The following AMMECR1 variants were observed in gnomAD, a reference collection of about 807,000 sequenced individuals.
AMMECR1 encodes the protein nuclear protein AMMECR1.
A neutral mutation model predicts 22.5 loss-of-function variants in AMMECR1; 3 were observed. The observed-to-expected ratio is 0.13, with a 90% CI of 0.06 to 0.35. The LOEUF is 0.35. AMMECR1 is among the 10% of genes least tolerant of loss of function. The pLI, the probability that AMMECR1 is intolerant of heterozygous loss-of-function variation, is 1.00. For synonymous variants in AMMECR1, 130 were observed against 116.7 expected (o/e 1.11, Z -0.74); for missense variants, 235 against 278.7 (o/e 0.84, Z 1.12).
chrX:110,401,050 C>G (rs148209441), intron 2 of AMMECR1, among the ~76,000 whole-genome samples: 16 of 112,298 alleles, frequency 1.4e-4, no homozygotes, highest in African/African-American at 4.5e-4. Context: ...AACAATCTCA[C>G]GTCTCAAGTC....
At chrX:110,320,112 T>C (rs757524775), upstream of AMMECR1, among the ~76,000 whole-genome samples, 2 of 112,448 alleles carry the variant, frequency 1.8e-5, no homozygotes, top group Non-Finnish European at 3.8e-5. Flanking sequence ...ACTTCATCAC[T>C]GTTAGAATTA....
intron 2 of AMMECR1, among the ~76,000 whole-genome samples, chrX:110,327,549 A>G (rs1407105068): frequency 9.0e-6 from 1 of 111,134 alleles, no homozygotes; most frequent in Non-Finnish European, 1.9e-5. Flanking sequence ...CAGAAGTCAG[A>G]CTGGAGTGCA....
intron 2 of AMMECR1, among the ~76,000 whole-genome samples, chrX:110,230,037 C>CA (rs1424641431): frequency 8.8e-6 from 1 of 113,126 alleles, no homozygotes; most frequent in African/African-American, 3.2e-5. Context: ...CTCAGCTCAA[C>CA]AACGCCTACT....
At chrX:110,204,713 A>C (rs1263331290) in intron 3 of AMMECR1, among the ~76,000 whole-genome samples, 3 of 111,904 alleles carry the variant, frequency 2.7e-5, no homozygotes, top group Non-Finnish European at 3.8e-5. Context: ...TAATTTAATA[A>C]TTAAAAGAAG....
At chrX:110,248,473 T>C (rs896915257) in intron 2 of AMMECR1, among the ~76,000 whole-genome samples, 1 of 111,788 alleles carries the variant, frequency 8.9e-6, no homozygotes, top group Non-Finnish European at 1.9e-5. Flanking sequence ...TTGTAAGAAA[T>C]CTAAGTTCAA....
intron 1 of AMMECR1, among the ~76,000 whole-genome samples, chrX:110,275,298 T>C (rs2067820229): frequency 9.0e-6 from 1 of 111,343 alleles, no homozygotes; most frequent in South Asian, 3.8e-4. Context: ...GAAAAAAATA[T>C]ATATTTCACC....
chrX:110,309,232 A>G (rs953857792), intron 1 of AMMECR1: 1 of 112,138 alleles, frequency 8.9e-6, no homozygotes, highest in Admixed American at 9.4e-5. Context: ...AATTTTTCAG[A>G]GACTCCATTC....
At chrX:110,339,598 G>A (rs940947897) in intron 2 of AMMECR1, among the ~76,000 whole-genome samples, 1 of 110,661 alleles carries the variant, frequency 9.0e-6, no homozygotes, top group Admixed American at 9.6e-5. Flanking sequence ...CTGGGTTCAA[G>A]CGATTCTCCT....
At chrX:110,291,918 C>T (rs954271396) in intron 1 of AMMECR1, among the ~76,000 whole-genome samples, 3 of 111,617 alleles carry the variant, frequency 2.7e-5, no homozygotes, top group Non-Finnish European at 5.7e-5. Context: ...AGCAATACTA[C>T]AATTTTAATG....
chrX:110,209,419 T>C (rs1350081961), intron 3 of AMMECR1, among the ~76,000 whole-genome samples: 1 of 112,332 alleles, frequency 8.9e-6, no homozygotes, highest in Admixed American at 9.4e-5. Flanking sequence ...TAGACTTAAA[T>C]ATATAATGTT....
chrX:110,219,012 G>A (rs933199535), intron 2 of AMMECR1, among the ~76,000 whole-genome samples: 1 of 111,657 alleles, frequency 9.0e-6, no homozygotes, highest in Non-Finnish European at 1.9e-5. Context: ...TCATTGTATG[G>A]ATACACCAAA....
intron 2 of AMMECR1, among the ~76,000 whole-genome samples, chrX:110,352,934 G>A (rs2148243893): frequency 8.9e-6 from 1 of 112,326 alleles, no homozygotes; most frequent in South Asian, 3.7e-4. Context: ...CCACCATGAA[G>A]CTTACATTCT....
At chrX:110,315,799 C>T (rs1264023562) in intron 1 of AMMECR1, among the ~76,000 whole-genome samples, 1 of 112,082 alleles carries the variant, frequency 8.9e-6, no homozygotes, top group African/African-American at 3.2e-5. Flanking sequence ...AGTCCCATGA[C>T]TTTGCAGAGC....
At chrX:110,233,944 C>G (rs1427951873) in intron 2 of AMMECR1, among the ~76,000 whole-genome samples, 3 of 112,153 alleles carry the variant, frequency 2.7e-5, no homozygotes, top group Non-Finnish European at 5.6e-5. Context: ...TCTCTCACCA[C>G]TCCTATTCAA....
In AMMECR1 at chrX:110,197,863, T is replaced by C. The variant is rs2067378196; in HGVS notation, c.*657A>G. On this transcript the variant is annotated 3_prime_UTR_variant, in exon 6 of 6. Coordinates refer to ENST00000262844, the MANE Select transcript of AMMECR1 (RefSeq NM_015365.3). ...TGTGACAAGCCCTATCACGGACCTT[T>C]GAATGCTCACTACTAGAACTAAAGT... 8.9e-6 allele frequency: 1 copy of C among 111,970 alleles called. No individual in the cohort carries two copies. Among genetic ancestry groups the C allele is most frequent in the Non-Finnish European group, 1.9e-5 (1 of 53,130 alleles). 9.2% of individuals were successfully genotyped at this position (111,970 alleles called of 1,213,427 possible). A position where few individuals can be genotyped will look rare whatever the true frequency, so the allele number is the denominator to read the frequency against.
chrX:110,274,955 C>T (rs775664370), intron 1 of AMMECR1, among the ~76,000 whole-genome samples: 8 of 111,854 alleles, frequency 7.2e-5, no homozygotes, highest in Non-Finnish European at 1.1e-4. Flanking sequence ...TATATCACTA[C>T]AAAAGCAATG....
At chrX:110,434,844 T>A (rs1184822479) in intron 1 of AMMECR1, among the ~76,000 whole-genome samples, 1 of 110,185 alleles carries the variant, frequency 9.1e-6, no homozygotes, top group Non-Finnish European at 1.9e-5. Flanking sequence ...ATTTTACTCA[T>A]CCAGGGCAAG....
At chrX:110,340,781 C>G (rs879248738) in intron 2 of AMMECR1, among the ~76,000 whole-genome samples, 1 of 112,449 alleles carries the variant, frequency 8.9e-6, no homozygotes, top group Non-Finnish European at 1.9e-5. Context: ...TATCTGTCAT[C>G]AAGGATGATG....
chrX:110,318,063 C>G lies in AMMECR1; in HGVS notation c.9G>C (p.Ala3=). ...TCTGCTTCTTCACCCCGCAGCAACC[C>G]GCCGCCATCTTGGAACAGTCTCCCC... is the stretch of plus-strand genomic sequence containing the variant. MA[A]GCCGVKKQKL... is the part of the protein sequence containing the mutation. The change falls in exon 1 of 6, where the codon GCG becomes GCC. Residue 3 remains alanine (A), a synonymous_variant. Transcript: ENST00000262844. The G allele has an allele frequency of 1.7e-6, 2 of 1,199,112 alleles. No homozygotes were observed. The highest frequency in any genetic ancestry group is 3.6e-5 in the South Asian group (2 of 54,880).
Sources: allele counts gnomAD v4.1 joint callset (sites outside exome capture counted in the v4.1 genomes callset), GRCh38; gene constraint gnomAD v4.1.1; transcripts MANE v1.5; gene names NCBI Gene and HGNC (gene_info 2026-07-23, HGNC 2026-07-21).